The following AGBL4 variants were observed in gnomAD, a reference collection of about 807,000 sequenced individuals.
AGBL4 encodes the protein AGBL carboxypeptidase 4.
Under a neutral mutation model 66.4 loss-of-function variants are expected in AGBL4, and 58 were observed. The ratio of observed to expected loss-of-function variants is 0.87; its 90% CI spans 0.71 to 1.09. The LOEUF (loss-of-function observed/expected upper bound fraction) is 1.09, where lower values mean the gene tolerates loss of function less well. AGBL4 is among the 50% of genes least tolerant of loss of function. The pLI, the probability that AGBL4 is intolerant of heterozygous loss-of-function variation, is 0.00. For synonymous variants in AGBL4, 234 were observed against 222.9 expected (o/e 1.05, Z -0.44); for missense variants, 579 against 631.0 (o/e 0.92, Z 0.88).
intron 3 of AGBL4, among the ~76,000 whole-genome samples, chr1:49,340,213 A>G (rs1168238675): frequency 1.2e-5 from 1 of 85,064 alleles, no homozygotes; most frequent in African/African-American, 5.3e-5. Flanking sequence ...TAAATTCTCT[A>G]TGGAAAAAAA....
chr1:49,381,686 G>T (rs1375413195), intron 3 of AGBL4, among the ~76,000 whole-genome samples: 1 of 152,032 alleles, frequency 6.6e-6, no homozygotes, highest in Non-Finnish European at 1.5e-5. Flanking sequence ...ATGAGTTCAT[G>T]TCCTTTGTAG....
chr1:48,862,556 C>T (rs971924551), intron 6 of AGBL4, among the ~76,000 whole-genome samples: 1 of 152,116 alleles, frequency 6.6e-6, no homozygotes, highest in African/African-American at 2.4e-5. Context: ...TTCCTGACCT[C>T]GTGATCTGCC....
At chr1:48,899,996 A>C (rs965595882) in intron 5 of AGBL4, among the ~76,000 whole-genome samples, 1 of 152,172 alleles carries the variant, frequency 6.6e-6, no homozygotes, top group African/African-American at 2.4e-5. Context: ...GGGTCAGAAA[A>C]GATTTCCATG....
chr1:49,364,128 C>T (rs1240724609), intron 3 of AGBL4, among the ~76,000 whole-genome samples: 5 of 152,010 alleles, frequency 3.3e-5, no homozygotes, highest in African/African-American at 1.2e-4. Flanking sequence ...ATGATAAGGC[C>T]GTTTGGGAAA....
At chr1:49,400,552 TC>T (rs1224691344) in intron 3 of AGBL4, among the ~76,000 whole-genome samples, 2 of 151,816 alleles carry the variant, frequency 1.3e-5, no homozygotes. Flanking sequence ...TTCTTCAATT[TC>T]TTTCATCAGT....
chr1:49,871,915 G>A (rs575837221), intron 1 of AGBL4, among the ~76,000 whole-genome samples: 6 of 152,050 alleles, frequency 3.9e-5, no homozygotes, highest in Non-Finnish European at 7.4e-5. Flanking sequence ...ATCAGCTCTA[G>A]AAATCTGAGG....
At chr1:48,825,263 A>T (rs533914184) in intron 6 of AGBL4, among the ~76,000 whole-genome samples, 3 of 152,110 alleles carry the variant, frequency 2.0e-5, no homozygotes, top group Admixed American at 2.0e-4. Context: ...CCGCCTTCTC[A>T]CTGGGTCTGT....
At chr1:48,968,613 T>G (rs1346487426) in intron 5 of AGBL4, among the ~76,000 whole-genome samples, 1 of 152,138 alleles carries the variant, frequency 6.6e-6, no homozygotes, top group African/African-American at 2.4e-5. Context: ...ATGTCTAAAC[T>G]GTTCATTCTA....
chr1:49,287,500 C>T (rs1358432324), intron 3 of AGBL4, among the ~76,000 whole-genome samples: 4 of 150,894 alleles, frequency 2.7e-5, no homozygotes, highest in Non-Finnish European at 3.0e-5. Context: ...CTACAAAGAA[C>T]TCAAACAAAT....
intron 3 of AGBL4, among the ~76,000 whole-genome samples, chr1:49,577,110 T>G (rs1010602894): frequency 1.3e-5 from 2 of 152,118 alleles, no homozygotes; most frequent in Admixed American, 6.5e-5. Context: ...ACAAAGAAAT[T>G]TGGGGACAAG....
chr1:49,739,346 G>A (rs1198690233), intron 2 of AGBL4, among the ~76,000 whole-genome samples: 1 of 152,084 alleles, frequency 6.6e-6, no homozygotes, highest in Non-Finnish European at 1.5e-5. Flanking sequence ...GAGAAGAGAA[G>A]TTTAGAGAAA....
chr1:49,913,615 T>C (rs183150723), intron 1 of AGBL4, among the ~76,000 whole-genome samples: 15 of 152,352 alleles, frequency 9.8e-5, no homozygotes, highest in Admixed American at 9.8e-4. Context: ...CCCCATACCA[T>C]GGTTTCACTA....
chr1:49,847,851 G>A (rs550008869), intron 2 of AGBL4, among the ~76,000 whole-genome samples: 35 of 152,088 alleles, frequency 2.3e-4, no homozygotes, highest in African/African-American at 6.5e-4. Context: ...ATAGGCGCCC[G>A]CCACCTCGCC....
chr1:48,864,668 T>C (rs563296302), intron 6 of AGBL4, among the ~76,000 whole-genome samples: 5 of 152,292 alleles, frequency 3.3e-5, no homozygotes, highest in African/African-American at 9.6e-5. Flanking sequence ...TAGAATGACA[T>C]TGATAGTGTG....
At chr1:49,003,177 C>A (rs766313435) in intron 5 of AGBL4, among the ~76,000 whole-genome samples, 16 of 152,150 alleles carry the variant, frequency 1.1e-4, no homozygotes, top group Non-Finnish European at 1.8e-4. Flanking sequence ...GCAGGTGGAT[C>A]GCCTGACGTC....
chr1:48,667,970 A>G (rs150926055), intron 6 of AGBL4, among the ~76,000 whole-genome samples: 4 of 152,032 alleles, frequency 2.6e-5, no homozygotes, highest in Non-Finnish European at 5.9e-5. Flanking sequence ...TGCTACTGGG[A>G]GGGGAATGTG....
intron 3 of AGBL4, among the ~76,000 whole-genome samples, chr1:49,541,643 G>A (rs2148824849): frequency 6.6e-6 from 1 of 152,252 alleles, no homozygotes; most frequent in African/African-American, 2.4e-5. Context: ...TGCAGCCCCA[G>A]CCTCCCCAAG....
At chr1:49,012,673 C>G (rs1425462868) in intron 5 of AGBL4, among the ~76,000 whole-genome samples, 1 of 152,196 alleles carries the variant, frequency 6.6e-6, no homozygotes, top group African/African-American at 2.4e-5. Flanking sequence ...TGAAATTCTA[C>G]CATTCTATTT....
At chr1:48,557,600 T>C (rs187697779) in intron 11 of AGBL4, among the ~76,000 whole-genome samples, 1 of 152,274 alleles carries the variant, frequency 6.6e-6, no homozygotes, top group Admixed American at 6.5e-5. Flanking sequence ...CAAAAGGTTT[T>C]GTGAAGGAAG....
Sources: gnomAD v4.1 joint callset for allele counts (sites outside exome capture counted in the v4.1 genomes callset) on GRCh38, gnomAD v4.1.1 for gene constraint, MANE v1.5 for transcripts, NCBI Gene and HGNC (gene_info 2026-07-23, HGNC 2026-07-21) for gene names.